The following PLCB1 variants were observed in gnomAD, a reference collection of about 807,000 sequenced individuals.
PLCB1 encodes the protein 1-phosphatidylinositol 4,5-bisphosphate phosphodiesterase beta-1.
A neutral mutation model predicts 161.8 loss-of-function variants in PLCB1; 46 were observed. The observed-to-expected ratio is 0.28, with a 90% confidence interval of 0.22 to 0.36. The LOEUF is 0.36. PLCB1 is among the 10% of genes least tolerant of loss of function. PLCB1 has a pLI of 1.00. For synonymous variants in PLCB1, 517 were observed against 503.7 expected (o/e 1.03, Z -0.35); for missense variants, 1,016 against 1,472.5 (o/e 0.69, Z 5.07).
At chr20:8,857,564 G>C (rs1568627122) in intron 31 of PLCB1, among the ~76,000 whole-genome samples, 1 of 152,066 alleles carries the variant, frequency 6.6e-6, no homozygotes, top group Non-Finnish European at 1.5e-5. Flanking sequence ...AAGTTTTCTT[G>C]GTTGTATACC....
At chr20:8,462,768 A>G (rs1981636458) in intron 3 of PLCB1, among the ~76,000 whole-genome samples, 1 of 145,478 alleles carries the variant, frequency 6.9e-6, no homozygotes, top group Non-Finnish European at 1.5e-5. Context: ...CTGTCTCACC[A>G]CCTAAGCTCC....
intron 2 of PLCB1, among the ~76,000 whole-genome samples, chr20:8,210,722 A>T (rs900114259): frequency 2.0e-5 from 3 of 152,150 alleles, no homozygotes; most frequent in African/African-American, 7.2e-5. Context: ...CATTCAATTC[A>T]ATTCATGGGA....
At chr20:8,380,383 T>A (rs1483490956) in intron 3 of PLCB1, among the ~76,000 whole-genome samples, 1 of 152,230 alleles carries the variant, frequency 6.6e-6, no homozygotes, top group Admixed American at 6.5e-5. Flanking sequence ...GCTAGTGTGA[T>A]GCCTCCAGCT....
chr20:8,250,864 A>G (rs1981103777), intron 2 of PLCB1, among the ~76,000 whole-genome samples: 1 of 151,996 alleles, frequency 6.6e-6, no homozygotes. Flanking sequence ...AGATGAAAAG[A>G]CATAGTTCCT....
intron 3 of PLCB1, among the ~76,000 whole-genome samples, chr20:8,608,493 T>C (rs948484076): frequency 6.6e-6 from 1 of 152,180 alleles, no homozygotes; most frequent in African/African-American, 2.4e-5. Flanking sequence ...AAACATACTT[T>C]ATCATGTAAC....
intron 31 of PLCB1, among the ~76,000 whole-genome samples, chr20:8,814,953 G>A (rs1046451525): frequency 1.3e-5 from 2 of 152,098 alleles, no homozygotes; most frequent in Non-Finnish European, 2.9e-5. Context: ...TTAGCAAACA[G>A]ATTCCCCAAT....
In PLCB1 at chr20:8,489,096, A is replaced by G. The variant is rs541517297; in HGVS notation, c.246+117646A>G. 2.6e-5 allele frequency among the ~76,000 whole-genome samples: 4 copies of G among 152,312 alleles called. No individual in the cohort carries two copies. The South Asian group carries it at 8.3e-4, about 32-fold the overall frequency. Reference sequence around the variant, plus strand: ...AAATTATTCCTCGTATACTTATTGAATACCTTAAAAGTATGTGCTAGGAGC... The same window carrying G: ...AAATTATTCCTCGTATACTTATTGAGTACCTTAAAAGTATGTGCTAGGAGC... On this transcript the variant is annotated intron_variant, in intron 3 of 31. Coordinates refer to ENST00000338037, the MANE Select transcript of PLCB1 (RefSeq NM_015192.4).
intron 2 of PLCB1, among the ~76,000 whole-genome samples, chr20:8,323,022 G>T (rs991870327): frequency 1.3e-5 from 2 of 152,222 alleles, no homozygotes; most frequent in African/African-American, 4.8e-5. Context: ...GATGCAGCCC[G>T]ATCTCCAGCT....
At chr20:8,632,088 C>A (rs1988618231) in intron 4 of PLCB1, among the ~76,000 whole-genome samples, 1 of 102,866 alleles carries the variant, frequency 9.7e-6, no homozygotes, top group Non-Finnish European at 1.8e-5. Context: ...AAAGGTAAGA[C>A]TTTGTTGCAA....
At chr20:8,167,827 C>T (rs184868646) in intron 2 of PLCB1, among the ~76,000 whole-genome samples, 4 of 152,186 alleles carry the variant, frequency 2.6e-5, no homozygotes, top group Admixed American at 2.6e-4. Context: ...AAACAACAAC[C>T]ATTTTTTTGA....
At chr20:8,286,309 G>A (rs1018583063) in intron 2 of PLCB1, among the ~76,000 whole-genome samples, 7 of 152,208 alleles carry the variant, frequency 4.6e-5, no homozygotes, top group African/African-American at 1.7e-4. Context: ...GGGTGACAGA[G>A]TGTAACTCCA....
intron 3 of PLCB1, among the ~76,000 whole-genome samples, chr20:8,514,132 C>T (rs1321049060): frequency 6.6e-6 from 1 of 152,042 alleles, no homozygotes; most frequent in Non-Finnish European, 1.5e-5. Flanking sequence ...TGCTTGATCC[C>T]AGGAGTTTGA....
At chr20:8,567,842 A>G (rs1050940461) in intron 3 of PLCB1, among the ~76,000 whole-genome samples, 1 of 152,206 alleles carries the variant, frequency 6.6e-6, no homozygotes. Flanking sequence ...GTTGTTAAAA[A>G]TTTTTAAAGA....
At chr20:8,631,113 C>T (rs1216022136) in intron 4 of PLCB1, among the ~76,000 whole-genome samples, 1 of 152,186 alleles carries the variant, frequency 6.6e-6, no homozygotes, top group Admixed American at 6.5e-5. Context: ...ACCACTGTTA[C>T]CTTGGAGCAT....
intron 19 of PLCB1, 56 bp downstream of exon 19, chr20:8,733,448 T>G: frequency 6.8e-7 from 1 of 1,462,592 alleles, no homozygotes; most frequent in Non-Finnish European, 9.6e-7. Flanking sequence ...TTTATCTACA[T>G]TGCATAAAGA....
intron 3 of PLCB1, among the ~76,000 whole-genome samples, chr20:8,473,817 T>G (rs567380102): frequency 3.9e-5 from 6 of 152,218 alleles, no homozygotes; most frequent in African/African-American, 1.4e-4. Flanking sequence ...GCAGCCTGAG[T>G]CTTAAAACCA....
chr20:8,821,939 A>G (rs1985451458), intron 31 of PLCB1, among the ~76,000 whole-genome samples: 1 of 151,988 alleles, frequency 6.6e-6, no homozygotes, highest in African/African-American at 2.4e-5. Flanking sequence ...TCCTCCAGAT[A>G]TCTCCACACT....
intron 3 of PLCB1, among the ~76,000 whole-genome samples, chr20:8,435,084 A>G (rs1433153700): frequency 6.6e-6 from 1 of 152,238 alleles, no homozygotes; most frequent in Non-Finnish European, 1.5e-5. Context: ...ATAGAGCTAC[A>G]AGGTTAATCC....
rs570582558 is a variant in PLCB1, at chr20:8,510,638, G to T, written c.247-117656G>T. Among the ~76,000 whole-genome samples, 231 of 152,020 alleles carry T rather than the reference G, an allele frequency of 1.5e-3. 1 individual carries two copies. The highest frequency in any genetic ancestry group is 2.1e-3 in the Non-Finnish European group (142 of 67,934). On this transcript the variant is annotated intron_variant, in intron 3 of 31. Transcript: ENST00000338037. ...ACCCCTGACCACAGGTGATCCGCCC[G>T]CCTCGGCCTCCCAAAGTGCTGGGAT...
Sources: allele counts gnomAD v4.1 joint callset (sites outside exome capture counted in the v4.1 genomes callset), GRCh38; gene constraint gnomAD v4.1.1; transcripts MANE v1.5; gene names NCBI Gene and HGNC (gene_info 2026-07-23, HGNC 2026-07-21).